Variants in GNAI1 observed in about 807,000 individuals in gnomAD.
GNAI1 encodes the protein guanine nucleotide-binding protein G(i) subunit alpha-1.
In GNAI1, 11 loss-of-function variants were observed where a neutral mutation model predicts 38.9. The observed-to-expected ratio is 0.28, with a 90% CI of 0.18 to 0.47. The LOEUF (loss-of-function observed/expected upper bound fraction) is 0.47, where lower values mean the gene tolerates loss of function less well. GNAI1 is among the 20% of genes least tolerant of loss of function. GNAI1 has a pLI of 0.99. For synonymous variants in GNAI1, 166 were observed against 145.1 expected (o/e 1.14, Z -1.04); for missense variants, 317 against 436.9 (o/e 0.73, Z 2.45).
At position 80,135,656 on chromosome 7, in the gene GNAI1, C is replaced by CA. The variant is rs1042996259; in HGVS notation, c.118+378_118+379insA. 81 of 164,756 alleles carry CA rather than the reference C, an allele frequency of 4.9e-4. 10 individuals carry two copies. Among genetic ancestry groups the CA allele is most frequent in the Non-Finnish European group, 7.7e-4 (64 of 82,892 alleles). The allele number at this position is 164,756 out of a possible 1,614,324, so 10.2% of individuals were successfully genotyped here. On this transcript the variant is annotated intron_variant, in intron 1 of 7. Transcript: ENST00000649796. ...GGCTAGAAAATGAAAACACCCCCCC[C>CA]CCCGCGCCACCAACCCCCTCCCGGA...
At chr7:80,176,271 G>A (rs759635234) in intron 1 of GNAI1, among the ~76,000 whole-genome samples, 10 of 152,180 alleles carry the variant, frequency 6.6e-5, no homozygotes, top group Non-Finnish European at 1.3e-4. Context: ...CTTCCGTTCC[G>A]TGAAGGTTGA....
intron 1 of GNAI1, among the ~76,000 whole-genome samples, chr7:80,137,475 C>T (rs1308184132): frequency 3.3e-5 from 5 of 151,744 alleles, no homozygotes; most frequent in African/African-American, 1.2e-4. Context: ...TGCGTGCCAC[C>T]ATGCTCGGCT....
chr7:80,190,339 CATT>C (rs1296334160), intron 3 of GNAI1, among the ~76,000 whole-genome samples: 2 of 151,826 alleles, frequency 1.3e-5, no homozygotes, highest in South Asian at 2.1e-4. Context: ...AGCTTACTGT[CATT>C]AATTAAAAAT....
intron 1 of GNAI1, among the ~76,000 whole-genome samples, chr7:80,167,737 A>G (rs1290465412): frequency 3.9e-5 from 6 of 152,212 alleles, no homozygotes; most frequent in Non-Finnish European, 8.8e-5. Flanking sequence ...GCCATTGAGA[A>G]TATGGCATGC....
At chr7:80,183,812 A>G (rs1788341606) in intron 1 of GNAI1, among the ~76,000 whole-genome samples, 2 of 152,166 alleles carry the variant, frequency 1.3e-5, no homozygotes, top group South Asian at 4.1e-4. Context: ...AGGAATTAGA[A>G]TCTAGCAAAG....
chr7:80,208,219 A>C (rs1788810794), intron 5 of GNAI1, among the ~76,000 whole-genome samples: 1 of 152,122 alleles, frequency 6.6e-6, no homozygotes, highest in Non-Finnish European at 1.5e-5. Flanking sequence ...TGTTGGTTTA[A>C]ACTCTTATCT....
Position 80,187,267 on chromosome 7 carries a change from G to A in GNAI1, c.119-1684G>A, listed in dbSNP as rs993864305. Reference sequence around the variant, plus strand: ...TTTGTGTGTCTGGAGAGGGAAAGAGGTAAAGGGAGAGATGAGGCCCAGAAG... The same window carrying A: ...TTTGTGTGTCTGGAGAGGGAAAGAGATAAAGGGAGAGATGAGGCCCAGAAG... On this transcript the variant is annotated intron_variant, in intron 1 of 7. Transcript: ENST00000649796. The A allele has an allele frequency of 2.0e-5, 3 of 151,438 alleles. No homozygotes were observed. In the Admixed American group the frequency reaches 2.0e-4, roughly 10 times the overall value. The allele number at this position is 151,438 out of a possible 1,614,324, so 9.4% of individuals were successfully genotyped here.
chr7:80,157,916 C>T (rs557125281), intron 1 of GNAI1, among the ~76,000 whole-genome samples: 1 of 152,046 alleles, frequency 6.6e-6, no homozygotes, highest in Non-Finnish European at 1.5e-5. Context: ...ACCATATTGG[C>T]CAGGCTAGTC....
chr7:80,146,729 C>T (rs1242631468), intron 1 of GNAI1, among the ~76,000 whole-genome samples: 1 of 152,138 alleles, frequency 6.6e-6, no homozygotes. Flanking sequence ...GTAATCTTCT[C>T]TGGTTCTTTT....
intron 1 of GNAI1, among the ~76,000 whole-genome samples, chr7:80,167,706 C>T (rs1277708673): frequency 6.6e-6 from 1 of 152,182 alleles, no homozygotes; most frequent in East Asian, 1.9e-4. Flanking sequence ...GTTCACTGTA[C>T]ATGCAAACTG....
chr7:80,175,893 A>C (rs1788175339), intron 1 of GNAI1, among the ~76,000 whole-genome samples: 1 of 152,204 alleles, frequency 6.6e-6, no homozygotes, highest in Non-Finnish European at 1.5e-5. Context: ...GCTTATTACT[A>C]ACCCTGCAGA....
At chr7:80,193,813 T>A (rs2115650206) in intron 3 of GNAI1, among the ~76,000 whole-genome samples, 1 of 152,338 alleles carries the variant, frequency 6.6e-6, no homozygotes, top group Admixed American at 6.5e-5. Context: ...TTTCTACTAT[T>A]ATTCTGGAAT....
At chr7:80,194,197 G>A (rs1691846219) in intron 3 of GNAI1, among the ~76,000 whole-genome samples, 1 of 152,112 alleles carries the variant, frequency 6.6e-6, no homozygotes, top group South Asian at 2.1e-4. Context: ...TTTGTTGTTA[G>A]TAAATCATGT....
chr7:80,135,101 G>T lies in GNAI1; in HGVS notation c.-60G>T, dbSNP rs977845456. 2.8e-5 allele frequency: 34 copies of T among 1,196,324 alleles called. No individual in the cohort carries two copies. The highest frequency in any genetic ancestry group is 3.8e-5 in the Non-Finnish European group (33 of 877,174). The allele number at this position is 1,196,324 out of a possible 1,614,324, so 74.1% of individuals were successfully genotyped here. ...GCTAGGAGAGAGAAAGGATTCCCCTGTGCTTGGAGCCCGCACTCGGGCGCG... is the reference window on the plus strand; with the variant it reads ...GCTAGGAGAGAGAAAGGATTCCCCTTTGCTTGGAGCCCGCACTCGGGCGCG... On this transcript the variant is annotated 5_prime_UTR_variant, in exon 1 of 8. Coordinates refer to ENST00000649796, the MANE Select transcript of GNAI1 (RefSeq NM_002069.6).
chr7:80,191,271 A>G (rs1788475583), intron 3 of GNAI1, among the ~76,000 whole-genome samples: 1 of 151,908 alleles, frequency 6.6e-6, no homozygotes, highest in Admixed American at 6.6e-5. Context: ...GACGAATTAA[A>G]CGTGGCCTGG....
rs533316383 is a variant in GNAI1, at chr7:80,221,034, C to T, written c.*3541C>T. 1.3e-5 allele frequency among the ~76,000 whole-genome samples: 2 copies of T among 152,086 alleles called. No homozygotes were observed. The highest frequency in any genetic ancestry group is 2.9e-5 in the Non-Finnish European group (2 of 68,010). On this transcript the variant is annotated 3_prime_UTR_variant, in exon 8 of 8. Coordinates refer to ENST00000649796, the MANE Select transcript of GNAI1 (RefSeq NM_002069.6). ...ACATCATTTGCCGTTTGCAGAACCA[C>T]CTTATGTAAATGAATTTAGTTGATA...
intron 1 of GNAI1, among the ~76,000 whole-genome samples, chr7:80,141,366 T>G (rs1177710932): frequency 6.6e-6 from 1 of 152,192 alleles, no homozygotes; most frequent in Non-Finnish European, 1.5e-5. Flanking sequence ...TAATCCATAC[T>G]GGGACAAAAT....
At chr7:80,153,390 A>G (rs966585686) in intron 1 of GNAI1, among the ~76,000 whole-genome samples, 3 of 152,202 alleles carry the variant, frequency 2.0e-5, no homozygotes, top group African/African-American at 7.2e-5. Context: ...CTTTTAAAGT[A>G]TGTTTGAGCA....
intron 1 of GNAI1, chr7:80,135,673 C>G (rs1032146226): frequency 3.5e-6 from 1 of 287,722 alleles, no homozygotes; most frequent in African/African-American, 2.4e-5. Context: ...CCACCAACCC[C>G]CTCCCGGAAA....
Sources: gnomAD v4.1 joint callset for allele counts (sites outside exome capture counted in the v4.1 genomes callset) on GRCh38, gnomAD v4.1.1 for gene constraint, MANE v1.5 for transcripts, NCBI Gene and HGNC (gene_info 2026-07-23, HGNC 2026-07-21) for gene names.